THSD7A: variants seen among roughly 807,000 people sequenced by gnomAD.
THSD7A encodes the protein thrombospondin type 1 domain containing 7A.
In THSD7A, 96 loss-of-function variants were observed where a neutral mutation model predicts 231.3. That is an observed-to-expected ratio of 0.41 (90% CI 0.35 to 0.49). THSD7A has a LOEUF of 0.49. THSD7A is among the 20% of genes least tolerant of loss of function. THSD7A has a pLI of 0.05. For missense variants in THSD7A, 2,290 were observed against 2,070.2 expected (o/e 1.11, Z -2.06); for synonymous variants, 940 against 743.3 (o/e 1.26, Z -4.30).
chr7:11,715,363 T>A (rs1188816230), intron 1 of THSD7A, among the ~76,000 whole-genome samples: 2 of 151,474 alleles, frequency 1.3e-5, no homozygotes, highest in African/African-American at 4.8e-5. Context: ...AATTAAATAG[T>A]ACAATAGCAA....
intron 1 of THSD7A, among the ~76,000 whole-genome samples, chr7:11,769,074 C>G (rs1339654485): frequency 7.1e-6 from 1 of 140,376 alleles, no homozygotes; most frequent in Non-Finnish European, 1.5e-5. Flanking sequence ...TCTCCTGCCT[C>G]AGCCTCCTGA....
chr7:11,782,863 C>G (rs1415296320), intron 1 of THSD7A, among the ~76,000 whole-genome samples: 2 of 152,052 alleles, frequency 1.3e-5, no homozygotes, highest in African/African-American at 4.8e-5. Context: ...AAAGTATATA[C>G]ATTTTCTATT....
At chr7:11,700,867 A>G (rs1352817630) in intron 1 of THSD7A, among the ~76,000 whole-genome samples, 1 of 150,710 alleles carries the variant, frequency 6.6e-6, no homozygotes, top group Admixed American at 6.6e-5. Context: ...GGCAAAAAAA[A>G]TTGTTAATTT....
chr7:11,811,054 C>T (rs1784515854), intron 1 of THSD7A, among the ~76,000 whole-genome samples: 1 of 152,080 alleles, frequency 6.6e-6, no homozygotes, highest in Non-Finnish European at 1.5e-5. Flanking sequence ...TTCTGCAACA[C>T]AATAAGCTGC....
At chr7:11,498,563 C>G (rs375144750) in intron 6 of THSD7A, among the ~76,000 whole-genome samples, 3 of 152,160 alleles carry the variant, frequency 2.0e-5, no homozygotes, top group Non-Finnish European at 2.9e-5. Context: ...CTTTGGCTAT[C>G]TGAAGTGACC....
At chr7:11,519,947 C>T (rs1344651971) in intron 6 of THSD7A, 1 of 152,114 alleles carries the variant, frequency 6.6e-6, no homozygotes, top group African/African-American at 2.4e-5. Flanking sequence ...CCAGTATATT[C>T]AATTTTTCAG....
rs758740009 is a variant in THSD7A, at chr7:11,412,751, T to G, written c.3587A>C (p.Gln1196Pro). The part of the protein sequence containing the change: ...FRQRSADPIR[Q>P]PADEGRSCPN... ...GCAAGATCTTCCTTCATCAGCTGGTTGTCTGATGGGATCAGCTGACCTTTG... is the reference window on the plus strand; with the variant it reads ...GCAAGATCTTCCTTCATCAGCTGGTGGTCTGATGGGATCAGCTGACCTTTG... Residue 1196 changes from glutamine (Q) to proline (P), a missense_variant, in exon 18 of 28, where the codon CAA (glutamine) becomes CCA (proline). Transcript: ENST00000423059. 6.2e-6 allele frequency: 10 copies of G among 1,613,654 alleles called. No individual in the cohort carries two copies. In the South Asian group the frequency reaches 1.1e-4, roughly 18 times the overall value.
chr7:11,489,231 T>C (rs1786789733), intron 6 of THSD7A, among the ~76,000 whole-genome samples: 1 of 152,116 alleles, frequency 6.6e-6, no homozygotes. Context: ...TATATTGCTT[T>C]TCTGCAAAAG....
intron 1 of THSD7A, among the ~76,000 whole-genome samples, chr7:11,688,317 C>T (rs1780125485): frequency 6.6e-6 from 1 of 151,700 alleles, no homozygotes; most frequent in Non-Finnish European, 1.5e-5. Context: ...TGGGCGTCAC[C>T]CAAGACCAGT....
Position 11,636,495 on chromosome 7 carries a change from A to T in THSD7A, c.657T>A (p.Arg219=), listed in dbSNP as rs376842189. ...CGAACTGCGGGGGCGCCACCACATG[A>T]CGCGTCCGGTGCTGGAGCCCGCTGC... ...TCGSGLQHRT[R]HVVAPPQFGG... Residue 219 remains arginine, a synonymous_variant, in exon 2 of 28, where the codon CGT becomes CGA. Coordinates refer to ENST00000423059, the MANE Select transcript of THSD7A (RefSeq NM_015204.3). The surrounding 1 kb of genome is among the most constrained non-coding windows in gnomAD (Gnocchi z 10.0). 2.9e-5 allele frequency: 46 copies of T among 1,613,634 alleles called. No individual in the cohort carries two copies. The highest frequency in any genetic ancestry group is 3.6e-5 in the Non-Finnish European group (42 of 1,179,852).
At position 11,632,510 on chromosome 7, in the gene THSD7A, C is replaced by T. The variant is rs924120851; in HGVS notation, c.1022+3620G>A. Among the ~76,000 whole-genome samples the T allele has an allele frequency of 6.6e-6, 1 of 152,000 alleles. No individual in the cohort carries two copies. The highest frequency in any genetic ancestry group is 1.5e-5 in the Non-Finnish European group (1 of 68,016). On this transcript the variant is annotated intron_variant, in intron 2 of 27. Transcript: ENST00000423059. The surrounding 1 kb of genome is among the most constrained non-coding windows in gnomAD (Gnocchi z 4.1). ...ATTAGCTGGAGTATTCCAGAATTAT[C>T]GTAACATCTGAGGGAAAAGGTCTTA...
chr7:11,449,449 A>G (rs948137290), intron 11 of THSD7A, among the ~76,000 whole-genome samples: 2 of 152,062 alleles, frequency 1.3e-5, no homozygotes, highest in Non-Finnish European at 2.9e-5. Flanking sequence ...TTCAAGGTAC[A>G]GGAAGGGTTC....
At chr7:11,466,539 C>T (rs1785713135) in intron 9 of THSD7A, among the ~76,000 whole-genome samples, 1 of 152,120 alleles carries the variant, frequency 6.6e-6, no homozygotes, top group African/African-American at 2.4e-5. Flanking sequence ...TATCACTCTC[C>T]AGTCTTTAAA....
At chr7:11,478,264 T>C (rs1407691027) in intron 7 of THSD7A, among the ~76,000 whole-genome samples, 1 of 152,210 alleles carries the variant, frequency 6.6e-6, no homozygotes, top group African/African-American at 2.4e-5. Context: ...CACCCCATAC[T>C]GGGCTGGCCA....
chr7:11,542,599 C>T (rs1583938917), intron 5 of THSD7A, among the ~76,000 whole-genome samples: 1 of 152,148 alleles, frequency 6.6e-6, no homozygotes, highest in African/African-American at 2.4e-5. Flanking sequence ...GATATTGTTA[C>T]ATCCCTTTTA....
intron 1 of THSD7A, among the ~76,000 whole-genome samples, chr7:11,705,118 C>A (rs1780723143): frequency 6.6e-6 from 1 of 150,978 alleles, no homozygotes; most frequent in Non-Finnish European, 1.5e-5. Context: ...TGGATTATGG[C>A]ATATAATTGA....
chr7:11,540,073 T>A (rs1341339374), intron 6 of THSD7A, among the ~76,000 whole-genome samples: 1 of 152,132 alleles, frequency 6.6e-6, no homozygotes, highest in Non-Finnish European at 1.5e-5. Context: ...TTCTTGCCAA[T>A]CTCTGAGTGT....
chr7:11,801,143 T>TC (rs1784263714), intron 1 of THSD7A, among the ~76,000 whole-genome samples: 2 of 152,114 alleles, frequency 1.3e-5, no homozygotes, highest in South Asian at 4.1e-4. Context: ...CAAAAAAAAT[T>TC]TTTTTTTAAT....
intron 1 of THSD7A, among the ~76,000 whole-genome samples, chr7:11,708,716 C>T (rs571835991): frequency 3.6e-4 from 54 of 150,900 alleles, no homozygotes; most frequent in Admixed American, 3.2e-3. Flanking sequence ...GACCATTCAG[C>T]TGATAATGCT....
Sources: gnomAD v4.1 joint callset for allele counts (sites outside exome capture counted in the v4.1 genomes callset) on GRCh38, gnomAD v4.1.1 for gene constraint, Gnocchi (gnomAD v3.1) non-coding constraint, MANE v1.5 for transcripts, NCBI Gene and HGNC (gene_info 2026-07-23, HGNC 2026-07-21) for gene names.